The following PCNX4 variants were observed in gnomAD, a reference collection of about 807,000 sequenced individuals.
PCNX4 encodes the protein pecanex-like protein 4.
PCNX4 carries 103 observed loss-of-function variants against 107.2 expected under a neutral mutation model. That is an observed-to-expected ratio of 0.96 (90% confidence interval 0.82 to 1.13). PCNX4 has a LOEUF of 1.13. Among genes scored for constraint, PCNX4 ranks in the 50% most tolerant of loss-of-function variants. The probability of loss-of-function intolerance (pLI) is 0.00; values close to 1 mark genes in which losing one functional copy is unlikely to be tolerated. For missense variants in PCNX4, 1,528 were observed against 1,379.4 expected (o/e 1.11, Z -1.71); for synonymous variants, 541 against 481.7 (o/e 1.12, Z -1.61).
At chr14:60,131,334 A>G (rs1226017582) in intron 10 of PCNX4, among the ~76,000 whole-genome samples, 1 of 152,234 alleles carries the variant, frequency 6.6e-6, no homozygotes, top group Non-Finnish European at 1.5e-5. Context: ...GAATCAACTA[A>G]AAAGCTTAGA....
chr14:60,117,318 A>G (rs1183295282), intron 6 of PCNX4, among the ~76,000 whole-genome samples: 1 of 152,126 alleles, frequency 6.6e-6, no homozygotes, highest in Non-Finnish European at 1.5e-5. Context: ...TTACTGTACA[A>G]TTTCAATGTT....
At chr14:60,102,605 T>C (rs2140532915) in intron 1 of PCNX4, among the ~76,000 whole-genome samples, 2 of 152,230 alleles carry the variant, frequency 1.3e-5, no homozygotes, top group Middle Eastern at 3.4e-3. Flanking sequence ...ACTTTCAGAG[T>C]AGTATGTGAA....
rs571467931 is a variant in PCNX4 at position 60,113,591 on chromosome 14, A to G, written c.690-1109A>G. On this transcript the variant is annotated intron_variant, in intron 2 of 10. Coordinates refer to ENST00000406854, the MANE Select transcript of PCNX4 (RefSeq NM_001330177.2). ...ACCATGTTGGCCAGGCTGGTCTCGA[A>G]CTCCTGACCTCAGGTGATCTGCCCG... Among the ~76,000 whole-genome samples the G allele has an allele frequency of 2.0e-5, 3 of 151,948 alleles. No individual in the cohort carries two copies. In the South Asian group the frequency reaches 6.3e-4, roughly 32 times the overall value.
At chr14:60,118,184 TAAC>T (rs1895885871) in intron 6 of PCNX4, 142 bp from the exon 7 acceptor site, 5 of 1,257,810 alleles carry the variant, frequency 4.0e-6, no homozygotes, top group Non-Finnish European at 5.2e-6. Flanking sequence ...TGGAGAAAAT[TAAC>T]AAAAAAATCA....
rs380460 is a variant in PCNX4, at chr14:60,146,245, C to G, written c.*12024C>G. On this transcript the variant is annotated 3_prime_UTR_variant, in exon 11 of 11. Coordinates refer to ENST00000406854, the MANE Select transcript of PCNX4 (RefSeq NM_001330177.2). This position sits in a 1 kb window ranked among gnomAD's most constrained non-coding sequence, Gnocchi z 4.9. ...GAAAAACCTAGATGTAAAAAAAATGCGAGATTTGCTAAATGATGTTTATAT... is the reference window on the plus strand; with the variant it reads ...GAAAAACCTAGATGTAAAAAAAATGGGAGATTTGCTAAATGATGTTTATAT... 6.6e-6 allele frequency: 1 copy of G among 151,468 alleles called. No homozygotes were observed. The allele number at this position is 151,468 out of a possible 1,614,324, so 9.4% of individuals were successfully genotyped here.
chr14:60,113,059 G>T (rs987221051), intron 2 of PCNX4, among the ~76,000 whole-genome samples: 1 of 152,142 alleles, frequency 6.6e-6, no homozygotes. Context: ...GCGTGTGCCT[G>T]TAGTCCCAGC....
In PCNX4 at chr14:60,118,306, A is replaced by G. The variant is rs540767851; in HGVS notation, c.1579-23A>G. The G allele has an allele frequency of 4.6e-6, 7 of 1,536,502 alleles. No homozygotes were observed. The African/African-American group carries it at 7.0e-5, about 15-fold the overall frequency. On this transcript the variant is annotated intron_variant, in intron 6 of 10. Coordinates refer to ENST00000406854, the MANE Select transcript of PCNX4 (RefSeq NM_001330177.2). ...TGAAAAATCTTCTAAGGATAAATAA[A>G]AATAATTTTTACATTTCTACAGGTT...
At chr14:60,107,404 G>A (rs779984385) in intron 1 of PCNX4, among the ~76,000 whole-genome samples, 182 bp from the exon 2 acceptor site, 12 of 152,042 alleles carry the variant, frequency 7.9e-5, no homozygotes, top group Non-Finnish European at 1.2e-4. Context: ...TGAGCATATT[G>A]GTTTTGTTTA....
chr14:60,105,495 G>T (rs552897954), intron 1 of PCNX4, among the ~76,000 whole-genome samples: 1 of 152,030 alleles, frequency 6.6e-6, no homozygotes, highest in South Asian at 2.1e-4. Flanking sequence ...TTATACATAC[G>T]CAAACCATAT....
At chr14:60,099,157 AT>A (rs1300758131) in intron 1 of PCNX4, among the ~76,000 whole-genome samples, 1 of 152,154 alleles carries the variant, frequency 6.6e-6, no homozygotes, top group African/African-American at 2.4e-5. Flanking sequence ...GTAGCAAGTG[AT>A]TTTTATCCAG....
In PCNX4 at chr14:60,107,661, T is replaced by C; in HGVS notation, c.23T>C (p.Leu8Pro). ...AGGATGAGTCCAGATGTGCCTCTAC[T>C]GAATGATTACAAGCAGGACTTCTTT... MSPDVPL[L>P]NDYKQDFFLK... Residue 8 changes from leucine to proline, a missense_variant, in exon 2 of 11, where the codon CTG becomes CCG. Coordinates refer to ENST00000406854, the MANE Select transcript of PCNX4 (RefSeq NM_001330177.2). 6.2e-7 allele frequency: 1 copy of C among 1,612,656 alleles called. No individual in the cohort carries two copies. The highest frequency in any genetic ancestry group is 8.5e-7 in the Non-Finnish European group (1 of 1,179,784).
intron 1 of PCNX4, among the ~76,000 whole-genome samples, chr14:60,106,875 A>G (rs2140537636): frequency 6.6e-6 from 1 of 152,312 alleles, no homozygotes; most frequent in East Asian, 1.9e-4. Flanking sequence ...TTTCAGAATA[A>G]GTTGCAAGGA....
chr14:60,099,862 G>A (rs759638337), intron 1 of PCNX4, among the ~76,000 whole-genome samples: 3 of 151,946 alleles, frequency 2.0e-5, no homozygotes, highest in African/African-American at 7.3e-5. Context: ...TTAGGAGTTC[G>A]AGACCAGCCT....
intron 10 of PCNX4, among the ~76,000 whole-genome samples, chr14:60,131,884 A>G (rs559052926): frequency 1.3e-5 from 2 of 152,312 alleles, no homozygotes; most frequent in East Asian, 3.9e-4. Context: ...CCAGAAATAA[A>G]CCCATGGGTC....
rs1245510674 is a variant in PCNX4, at chr14:60,125,021, A to G, written c.2850A>G (p.Ser950=). Residue 950 remains serine (S), a synonymous_variant, in exon 9 of 11, where the codon TCA becomes TCG. Transcript: ENST00000406854. ...FVLRQLECYH[S]EEKASNVLEE... ...TAAGGCAGTTGGAATGTTATCATTC[A>G]GAAGAGAAGGCCTCAAATGTACTGG... The G allele has an allele frequency of 6.2e-7, 1 of 1,613,698 alleles. No individual in the cohort carries two copies. The highest frequency in any genetic ancestry group is 2.2e-5 in the East Asian group (1 of 44,900).
chr14:60,132,193 A>G (rs1296100149), intron 10 of PCNX4, among the ~76,000 whole-genome samples: 3 of 152,142 alleles, frequency 2.0e-5, no homozygotes, highest in East Asian at 1.9e-4. Flanking sequence ...TTCTTTGGCT[A>G]TGGCTGAGTA....
Position 60,108,251 on chromosome 14 carries a change from C to G in PCNX4, c.613C>G (p.Gln205Glu). 6.2e-7 allele frequency: 1 copy of G among 1,612,724 alleles called. No homozygotes were observed. Among genetic ancestry groups the G allele is most frequent in the Middle Eastern group, 1.6e-4 (1 of 6,062 alleles). The change falls in exon 2 of 11, where the codon CAG becomes GAG. Residue 205 changes from glutamine (Q) to glutamate (E), a missense_variant. Transcript: ENST00000406854. ...TATETATFQT[Q>E]DTYEIIPLMR... is the part of the protein sequence containing the mutation. Reference sequence around the variant, plus strand: ...TACAGAGACTGCGACTTTCCAAACACAGGATACTTATGAAATTATTCCTCT... The same window carrying G: ...TACAGAGACTGCGACTTTCCAAACAGAGGATACTTATGAAATTATTCCTCT...
Position 60,103,937 on chromosome 14 carries a change from T to A in PCNX4, c.-53-3649T>A, listed in dbSNP as rs149075952. 2.6e-3 allele frequency among the ~76,000 whole-genome samples: 401 copies of A among 152,282 alleles called. 1 individual carries two copies. The highest frequency in any genetic ancestry group is 8.9e-3 in the African/African-American group (368 of 41,564). On this transcript the variant is annotated intron_variant, in intron 1 of 10. Transcript: ENST00000406854. ...ATAGCATTATTCCGTAAAAAATAAG[T>A]ATAGATACTTTCCAAACATTTTAAA...
At chr14:60,122,335 G>C (rs1466376963) in intron 8 of PCNX4, among the ~76,000 whole-genome samples, 1 of 152,050 alleles carries the variant, frequency 6.6e-6, no homozygotes, top group East Asian at 1.9e-4. Flanking sequence ...CTTTCATTTA[G>C]AGTAAAAGCC....
Sources: gnomAD v4.1 joint callset for allele counts (sites outside exome capture counted in the v4.1 genomes callset) on GRCh38, gnomAD v4.1.1 for gene constraint, Gnocchi (gnomAD v3.1) non-coding constraint, MANE v1.5 for transcripts, NCBI Gene and HGNC (gene_info 2026-07-23, HGNC 2026-07-21) for gene names.